OCA2: variants seen among roughly 807,000 people sequenced by gnomAD.
OCA2 encodes P protein.
A neutral mutation model predicts 100.2 loss-of-function variants in OCA2; 77 were observed. The observed-to-expected ratio is 0.77, with a 90% CI of 0.64 to 0.93. The LOEUF (loss-of-function observed/expected upper bound fraction) is 0.93, where lower values mean the gene tolerates loss of function less well. OCA2 is among the 40% of genes least tolerant of loss of function. The pLI, the probability that OCA2 is intolerant of heterozygous loss-of-function variation, is 0.00. For synonymous variants in OCA2, 432 were observed against 439.2 expected (o/e 0.98, Z 0.21); for missense variants, 1,062 against 1,089.1 (o/e 0.98, Z 0.35).
chr15:27,948,875 G>A (rs973581766), intron 18 of OCA2, among the ~76,000 whole-genome samples: 2 of 152,156 alleles, frequency 1.3e-5, no homozygotes, highest in South Asian at 4.1e-4. Context: ...CCATGTATAT[G>A]ACAGCCCCAA....
chr15:27,763,142 T>C (rs1248810762), intron 23 of OCA2, among the ~76,000 whole-genome samples: 6 of 152,126 alleles, frequency 3.9e-5, no homozygotes, highest in African/African-American at 1.4e-4. Context: ...GGATCACAGA[T>C]TTAAATGCAA....
At chr15:27,726,436 C>T in the OCA2 span, among the ~76,000 whole-genome samples, 3 of 152,296 alleles carry the variant, frequency 2.0e-5, no homozygotes, top group East Asian at 1.9e-4. Flanking sequence ...AAACAGTCTT[C>T]TCAATACAAA....
At chr15:28,030,138 T>G (rs1477447224) in intron 3 of OCA2, among the ~76,000 whole-genome samples, 3 of 152,214 alleles carry the variant, frequency 2.0e-5, no homozygotes, top group African/African-American at 7.2e-5. Flanking sequence ...GGAGGAGAAT[T>G]CAGTTATCCA....
intron 7 of OCA2, among the ~76,000 whole-genome samples, chr15:28,017,728 CCTCTA>C (rs1373839709): frequency 6.6e-6 from 1 of 151,966 alleles, no homozygotes; most frequent in Non-Finnish European, 1.5e-5. Context: ...GCGGGGTTTC[CCTCTA>C]CTGGTTATAA....
intron 23 of OCA2, among the ~76,000 whole-genome samples, chr15:27,835,299 C>T (rs1293194848): frequency 6.6e-6 from 1 of 152,226 alleles, no homozygotes; most frequent in Non-Finnish European, 1.5e-5. Flanking sequence ...TTCCATCCCA[C>T]ATGATTTATC....
chr15:28,089,624 C>T (rs2044838824), intron 1 of OCA2, among the ~76,000 whole-genome samples: 1 of 152,164 alleles, frequency 6.6e-6, no homozygotes, highest in Non-Finnish European at 1.5e-5. Context: ...GAAAAAAATG[C>T]ATTACATGTA....
At chr15:27,940,092 G>T (rs1328099207) in intron 18 of OCA2, among the ~76,000 whole-genome samples, 1 of 152,062 alleles carries the variant, frequency 6.6e-6, no homozygotes, top group African/African-American at 2.4e-5. Flanking sequence ...TTCTTCTCAG[G>T]CTCCTCAAAA....
intron 11 of OCA2, 69 bp from the exon 12 acceptor site, chr15:27,986,712 A>C (rs1211228758): frequency 1.3e-5 from 13 of 1,030,290 alleles, no homozygotes; most frequent in Non-Finnish European, 2.0e-5. Context: ...CATCAGCATG[A>C]TCCCTTACAC....
intron 18 of OCA2, among the ~76,000 whole-genome samples, chr15:27,946,277 A>C (rs1055422546): frequency 6.6e-6 from 1 of 152,232 alleles, no homozygotes; most frequent in Admixed American, 6.5e-5. Flanking sequence ...TGGCCTGAGA[A>C]GGACTCTGTA....
intron 22 of OCA2, among the ~76,000 whole-genome samples, chr15:27,847,585 C>T (rs1445841376): frequency 6.6e-6 from 1 of 152,106 alleles, no homozygotes; most frequent in African/African-American, 2.4e-5. Context: ...GAAAGGAGGC[C>T]CTGGAGAGGC....
chr15:28,095,351 AGCAGGCGCC>A (rs924833352), intron 1 of OCA2, among the ~76,000 whole-genome samples: 134 of 152,312 alleles, frequency 8.8e-4, no homozygotes, highest in African/African-American at 3.1e-3. Context: ...GACAGCCGGC[AGCAGGCGCC>A]GCACGCCGAC....
intron 23 of OCA2, among the ~76,000 whole-genome samples, chr15:27,836,272 G>A (rs1277823773): frequency 6.6e-6 from 1 of 152,246 alleles, no homozygotes; most frequent in African/African-American, 2.4e-5. Context: ...CAGGGGGTGA[G>A]TGGCTTTAAG....
At chr15:27,824,523 G>A (rs1228781124) in intron 23 of OCA2, among the ~76,000 whole-genome samples, 1 of 148,022 alleles carries the variant, frequency 6.8e-6, no homozygotes, top group Non-Finnish European at 1.5e-5. Context: ...CAGAGGGGCA[G>A]GCACTTATGT....
At chr15:27,770,229 G>T in intron 23 of OCA2, among the ~76,000 whole-genome samples, 1 of 152,218 alleles carries the variant, frequency 6.6e-6, no homozygotes. Context: ...GGGAAGGGGC[G>T]TTCAGGGCGG....
intron 23 of OCA2, among the ~76,000 whole-genome samples, chr15:27,770,069 G>T (rs1308852361): frequency 6.6e-6 from 1 of 152,040 alleles, no homozygotes; most frequent in Non-Finnish European, 1.5e-5. Context: ...CCCCTTTTTT[G>T]CAGGGCCTGC....
chr15:27,941,937 C>A (rs2140502492), intron 18 of OCA2, among the ~76,000 whole-genome samples: 1 of 152,128 alleles, frequency 6.6e-6, no homozygotes, highest in South Asian at 2.1e-4. Context: ...CTAGGAAATG[C>A]AAATCAAAGC....
chr15:28,047,087 G>A (rs2043369876), intron 2 of OCA2, among the ~76,000 whole-genome samples: 1 of 152,060 alleles, frequency 6.6e-6, no homozygotes, highest in South Asian at 2.1e-4. Context: ...GTCAGGCCCT[G>A]ACACATGCCC....
rs147274845 is a variant in OCA2 at position 27,898,113 on chromosome 15, G to A, written c.2080-26191C>T. Among the ~76,000 whole-genome samples, 160 of 152,276 alleles carry A rather than the reference G, an allele frequency of 1.1e-3. 3 individuals are homozygous for A. In the East Asian group the frequency reaches 0.023, roughly 22 times the overall value. On this transcript the variant is annotated intron_variant, in intron 19 of 23. Transcript: ENST00000354638. ...CTTTTGATTTTGCAGGCTCATAGGCGGAAGGGACTTGCCTTGTCTCAGATG... is the reference window on the plus strand; with the variant it reads ...CTTTTGATTTTGCAGGCTCATAGGCAGAAGGGACTTGCCTTGTCTCAGATG...
chr15:27,838,339 T>A (rs181694591), intron 23 of OCA2, among the ~76,000 whole-genome samples: 1 of 151,838 alleles, frequency 6.6e-6, no homozygotes, highest in Admixed American at 6.6e-5. Flanking sequence ...TATAATCAAA[T>A]GAAAATGTAA....
Sources: allele counts gnomAD v4.1 joint callset (sites outside exome capture counted in the v4.1 genomes callset), GRCh38; gene constraint gnomAD v4.1.1; transcripts MANE v1.5; gene names NCBI Gene and HGNC (gene_info 2026-07-23, HGNC 2026-07-21).